The following PDE10A variants were observed in gnomAD, a reference collection of about 807,000 sequenced individuals.
PDE10A encodes the protein cAMP and cAMP-inhibited cGMP 3',5'-cyclic phosphodiesterase 10A.
Under a neutral mutation model 97.7 loss-of-function variants are expected in PDE10A, and 39 were observed. The ratio of observed to expected loss-of-function variants is 0.40; its 90% CI spans 0.31 to 0.52. PDE10A has a LOEUF of 0.52. Among genes scored for constraint, PDE10A ranks in the 20% least tolerant of loss-of-function variants. The probability of loss-of-function intolerance (pLI) is 0.56; values close to 1 mark genes in which losing one functional copy is unlikely to be tolerated. For missense variants in PDE10A, 731 were observed against 1,047.8 expected, an observed-to-expected ratio of 0.70 and a Z score of 4.17; for synonymous variants, 371 against 376.8, an observed-to-expected ratio of 0.98 and a Z score of 0.18.
At chr6:165,915,127 G>A (rs1268898250) in intron 1 of PDE10A, among the ~76,000 whole-genome samples, 7 of 152,158 alleles carry the variant, frequency 4.6e-5, no homozygotes, top group Non-Finnish European at 1.5e-5. Context: ...ATTAGAGTGT[G>A]TTCAAAACCA....
chr6:165,628,502 T>C (rs1788488130), intron 1 of PDE10A, among the ~76,000 whole-genome samples: 1 of 152,106 alleles, frequency 6.6e-6, no homozygotes, highest in African/African-American at 2.4e-5. Context: ...TACAGGCACA[T>C]GCCACCACAC....
intron 1 of PDE10A, among the ~76,000 whole-genome samples, chr6:165,699,779 T>C (rs941966768): frequency 6.6e-6 from 1 of 152,092 alleles, no homozygotes; most frequent in Non-Finnish European, 1.5e-5. Context: ...TACTTTGAGA[T>C]ACATAAAAAT....
intron 1 of PDE10A, among the ~76,000 whole-genome samples, chr6:165,686,610 C>T (rs1284325573): frequency 6.6e-6 from 1 of 152,194 alleles, no homozygotes; most frequent in Non-Finnish European, 1.5e-5. Flanking sequence ...CAAAGAACCA[C>T]AAGGCCATAA....
At chr6:165,780,359 G>A (rs755116067) in intron 1 of PDE10A, 14 of 152,222 alleles carry the variant, frequency 9.2e-5, no homozygotes, top group Non-Finnish European at 1.5e-4. Flanking sequence ...CAAAATAGGT[G>A]TATCATAAGA....
intron 1 of PDE10A, among the ~76,000 whole-genome samples, chr6:165,692,832 T>G (rs1214761404): frequency 6.6e-6 from 1 of 152,194 alleles, no homozygotes; most frequent in Non-Finnish European, 1.5e-5. Context: ...AGGGAATACA[T>G]TAGGGAAAGT....
intron 11 of PDE10A, among the ~76,000 whole-genome samples, chr6:165,416,906 T>A (rs1393770375): frequency 1.3e-5 from 2 of 152,208 alleles, no homozygotes; most frequent in Non-Finnish European, 2.9e-5. Context: ...GGATTGTCTG[T>A]TTTTTATATC....
chr6:165,943,516 C>T (rs1201498087), intron 1 of PDE10A, among the ~76,000 whole-genome samples: 1 of 152,096 alleles, frequency 6.6e-6, no homozygotes, highest in Non-Finnish European at 1.5e-5. Flanking sequence ...AGGTCAAAGG[C>T]CTGAGAACCT....
chr6:165,405,171 C>T (rs1031916311), intron 13 of PDE10A, among the ~76,000 whole-genome samples: 1 of 152,150 alleles, frequency 6.6e-6, no homozygotes, highest in Admixed American at 6.6e-5. Flanking sequence ...AAAAATGACT[C>T]TCTAGCTGTG....
intron 1 of PDE10A, among the ~76,000 whole-genome samples, chr6:165,767,947 C>T (rs1583060772): frequency 6.6e-6 from 1 of 152,016 alleles, no homozygotes; most frequent in African/African-American, 2.4e-5. Context: ...TTGTTGTCTG[C>T]GTTTTTTGTG....
chr6:165,825,110 T>A (rs551026535), intron 1 of PDE10A, among the ~76,000 whole-genome samples: 156 of 138,230 alleles, frequency 1.1e-3, no homozygotes, highest in Admixed American at 1.8e-3. Flanking sequence ...ATCGCACCAC[T>A]GCACTCCAGC....
intron 1 of PDE10A, among the ~76,000 whole-genome samples, chr6:165,773,884 C>T (rs984953082): frequency 2.0e-5 from 3 of 151,792 alleles, no homozygotes; most frequent in Admixed American, 6.6e-5. Context: ...CCCTGAAAAT[C>T]GTAAAAGTAA....
At chr6:165,807,295 G>A (rs1779166170) in intron 1 of PDE10A, among the ~76,000 whole-genome samples, 1 of 152,198 alleles carries the variant, frequency 6.6e-6, no homozygotes, top group African/African-American at 2.4e-5. Context: ...GATGGTATCA[G>A]GAGATGATTC....
intron 3 of PDE10A, among the ~76,000 whole-genome samples, chr6:165,454,597 G>A (rs1280067956): frequency 2.6e-5 from 4 of 152,120 alleles, no homozygotes; most frequent in South Asian, 2.1e-4. Flanking sequence ...TCTCTAAAGC[G>A]TGATCTCTTG....
intron 1 of PDE10A, among the ~76,000 whole-genome samples, chr6:165,923,737 C>T (rs564532269): frequency 2.6e-5 from 4 of 151,904 alleles, no homozygotes; most frequent in East Asian, 1.9e-4. Flanking sequence ...GATTATACTC[C>T]GAGTATATAA....
intron 1 of PDE10A, among the ~76,000 whole-genome samples, chr6:165,745,978 C>T (rs765913666): frequency 3.9e-5 from 6 of 152,134 alleles, no homozygotes; most frequent in Non-Finnish European, 5.9e-5. Context: ...GCTACAAGGA[C>T]GTTTGTTATA....
At chr6:165,837,055 G>C (rs1029392321) in intron 1 of PDE10A, among the ~76,000 whole-genome samples, 1 of 124,002 alleles carries the variant, frequency 8.1e-6, no homozygotes, top group African/African-American at 3.0e-5. Context: ...GTTGTGGGGT[G>C]GGGGGAGGGG....
chr6:165,385,923 T>C (rs1451033239), intron 17 of PDE10A, among the ~76,000 whole-genome samples: 1 of 152,178 alleles, frequency 6.6e-6, no homozygotes, highest in African/African-American at 2.4e-5. Flanking sequence ...CCAGCTTCTG[T>C]TTTTGCAATG....
chr6:165,474,990 A>G (rs1397599818), intron 3 of PDE10A, among the ~76,000 whole-genome samples: 5 of 152,142 alleles, frequency 3.3e-5, no homozygotes, highest in Admixed American at 3.3e-4. Flanking sequence ...TAAGCTCTAC[A>G]CATGCACCCG....
intron 1 of PDE10A, among the ~76,000 whole-genome samples, chr6:165,677,146 G>C (rs1242578280): frequency 6.6e-6 from 1 of 152,218 alleles, no homozygotes; most frequent in Non-Finnish European, 1.5e-5. Flanking sequence ...ATTAACGTTA[G>C]ATCCGTCAAC....
Sources: allele counts gnomAD v4.1 joint callset (sites outside exome capture counted in the v4.1 genomes callset), GRCh38; gene constraint gnomAD v4.1.1; transcripts MANE v1.5; gene names NCBI Gene and HGNC (gene_info 2026-07-23, HGNC 2026-07-21).